Variants in QTGAL observed in about 807,000 individuals in gnomAD.
The protein encoded by QTGAL is queuosine-tRNA galactosyltransferase.
the QTGAL span, among the ~76,000 whole-genome samples, chr17:82,954,588 AT>A: frequency 2.0e-5 from 3 of 152,344 alleles, no homozygotes; most frequent in Non-Finnish European, 2.9e-5. Context: ...TCCCATTCCC[AT>A]CAAGCTGCCA....
At chr17:82,977,204 G>A in the QTGAL span, among the ~76,000 whole-genome samples, 4 of 152,246 alleles carry the variant, frequency 2.6e-5, no homozygotes, top group Non-Finnish European at 4.4e-5. Flanking sequence ...ACGGAGGCCC[G>A]AAAGCAAGAG....
chr17:83,041,494 A>G, the QTGAL span, among the ~76,000 whole-genome samples: 1 of 152,246 alleles, frequency 6.6e-6, no homozygotes, highest in Admixed American at 6.5e-5. Context: ...TGAAAGCGAC[A>G]AGAGAAAATC....
At chr17:83,023,276 C>T in the QTGAL span, among the ~76,000 whole-genome samples, 1 of 123,404 alleles carries the variant, frequency 8.1e-6, no homozygotes, top group Non-Finnish European at 1.7e-5. Flanking sequence ...CCCCGCCCCA[C>T]CTGCACCAGC....
chr17:83,005,716 C>T, the QTGAL span: 5,834 of 728,252 alleles, frequency 8.0e-3, 230 homozygotes, highest in African/African-American at 0.083. This position sits in a 1 kb window ranked among gnomAD's most constrained non-coding sequence, Gnocchi z 5.6. Context: ...CCTCCAGGGC[C>T]GACAACCCTC....
the QTGAL span, among the ~76,000 whole-genome samples, chr17:83,016,632 GACAGA>G: frequency 2.9e-5 from 4 of 138,480 alleles, no homozygotes; most frequent in Non-Finnish European, 6.2e-5. Flanking sequence ...AGGGAGGAGG[GACAGA>G]AGAAGGAGGG....
chr17:82,988,649 A>C, the QTGAL span, among the ~76,000 whole-genome samples: 1 of 152,244 alleles, frequency 6.6e-6, no homozygotes, highest in Non-Finnish European at 1.5e-5. Context: ...AAGGAACTTA[A>C]CTTTACAAGA....
chr17:83,043,881 T>C, the QTGAL span, among the ~76,000 whole-genome samples: 1 of 152,014 alleles, frequency 6.6e-6, no homozygotes, highest in Admixed American at 6.6e-5. Flanking sequence ...CCAAAAAAGT[T>C]AGATAACCTA....
At chr17:82,998,011 A>G in the QTGAL span, among the ~76,000 whole-genome samples, 1 of 150,308 alleles carries the variant, frequency 6.7e-6, no homozygotes, top group Non-Finnish European at 1.5e-5. Flanking sequence ...CTAGATATAT[A>G]TAGTTACAAA....
At chr17:82,945,724 A>G in the QTGAL span, 2 of 152,196 alleles carry the variant, frequency 1.3e-5, no homozygotes, top group Non-Finnish European at 2.9e-5. Context: ...TGGAAGCAGC[A>G]TCCCCCTACC....
the QTGAL span, among the ~76,000 whole-genome samples, chr17:82,950,859 G>A: frequency 9.9e-5 from 15 of 152,204 alleles, no homozygotes; most frequent in East Asian, 1.9e-4. Context: ...TCCATCAACC[G>A]TGCTGTGCAC....
chr17:83,004,815 G>T, the QTGAL span, among the ~76,000 whole-genome samples: 1 of 151,916 alleles, frequency 6.6e-6, no homozygotes, highest in Non-Finnish European at 1.5e-5. Context: ...TGCGGTCTGC[G>T]TGTGGGATTA....
the QTGAL span, among the ~76,000 whole-genome samples, chr17:83,029,162 AAC>A: frequency 3.3e-5 from 5 of 152,176 alleles, no homozygotes; most frequent in Admixed American, 2.6e-4. Flanking sequence ...GAGCTGTCAA[AAC>A]ACACATTATC....
At chr17:82,967,227 C>T in the QTGAL span, among the ~76,000 whole-genome samples, 16 of 152,292 alleles carry the variant, frequency 1.1e-4, no homozygotes, top group South Asian at 6.2e-4. Context: ...ATGGAGCCCA[C>T]GACATTTTCA....
At chr17:82,997,318 G>A in the QTGAL span, among the ~76,000 whole-genome samples, 1 of 152,162 alleles carries the variant, frequency 6.6e-6, no homozygotes, top group African/African-American at 2.4e-5. Flanking sequence ...TCAGAGAAAT[G>A]CAAATAAAAC....
At chr17:83,014,563 T>A in the QTGAL span, 6 of 1,591,852 alleles carry the variant, frequency 3.8e-6, no homozygotes, top group Non-Finnish European at 5.2e-6. Context: ...TTGCATTGAT[T>A]GATGCATAGA....
the QTGAL span, among the ~76,000 whole-genome samples, chr17:82,959,738 G>C: frequency 6.6e-6 from 1 of 152,016 alleles, no homozygotes; most frequent in East Asian, 1.9e-4. Context: ...CGAGGTTTGG[G>C]GGGCCTCTGA....
chr17:83,006,691 G>T, the QTGAL span: 3 of 985,388 alleles, frequency 3.0e-6, no homozygotes, highest in Admixed American at 1.2e-4. This position sits in a 1 kb window ranked among gnomAD's most constrained non-coding sequence, Gnocchi z 5.8. Context: ...CGTGCAGGAG[G>T]CGGCCTTCTG....
chr17:82,961,570 C>A, the QTGAL span, among the ~76,000 whole-genome samples: 1 of 152,214 alleles, frequency 6.6e-6, no homozygotes. Flanking sequence ...CTGCCAGTGG[C>A]TGCAGCCCCA....
At chr17:83,036,970 C>T in the QTGAL span, among the ~76,000 whole-genome samples, 2 of 151,974 alleles carry the variant, frequency 1.3e-5, no homozygotes, top group African/African-American at 2.4e-5. Flanking sequence ...TGGCATTTAG[C>T]CCAAAATGAG....
Sources: gnomAD v4.1 joint callset for allele counts (sites outside exome capture counted in the v4.1 genomes callset) on GRCh38, gnomAD v4.1.1 for gene constraint, Gnocchi (gnomAD v3.1) non-coding constraint, MANE v1.5 for transcripts, NCBI Gene and HGNC (gene_info 2026-07-23, HGNC 2026-07-21) for gene names.